PRDM16: variants seen among roughly 807,000 people sequenced by gnomAD.
PRDM16 encodes PR/SET domain 16, also known as histone-lysine N-methyltransferase PRDM16.
A neutral mutation model predicts 110.6 loss-of-function variants in PRDM16; 23 were observed. The ratio of observed to expected loss-of-function variants is 0.21; its 90% confidence interval spans 0.15 to 0.29. The LOEUF (loss-of-function observed/expected upper bound fraction) is 0.29, where lower values mean the gene tolerates loss of function less well. Among genes scored for constraint, PRDM16 ranks in the 10% least tolerant of loss-of-function variants. The pLI, the probability that PRDM16 is intolerant of heterozygous loss-of-function variation, is 1.00. For missense variants in PRDM16, 1,615 were observed against 1,794.3 expected (o/e 0.90, Z 1.81); for synonymous variants, 799 against 781.8 (o/e 1.02, Z -0.37).
chr1:3,274,346 C>A (rs1640534126), intron 3 of PRDM16, among the ~76,000 whole-genome samples: 1 of 152,120 alleles, frequency 6.6e-6, no homozygotes, highest in Non-Finnish European at 1.5e-5. Context: ...CTTAAGAAGT[C>A]ACATTTCTCT....
intron 3 of PRDM16, among the ~76,000 whole-genome samples, chr1:3,276,823 C>T (rs530929780): frequency 1.3e-4 from 19 of 151,808 alleles, no homozygotes; most frequent in South Asian, 2.1e-4. Context: ...TTGCCTGGGC[C>T]GCCTCGGCCT....
At chr1:3,284,545 G>A (rs1232823551) in intron 3 of PRDM16, among the ~76,000 whole-genome samples, 3 of 152,204 alleles carry the variant, frequency 2.0e-5, no homozygotes, top group South Asian at 2.1e-4. Flanking sequence ...TGAAGCCTTC[G>A]GGAGCCAGGA....
chr1:3,272,077 C>T (rs373989248), intron 3 of PRDM16, among the ~76,000 whole-genome samples: 7 of 152,294 alleles, frequency 4.6e-5, no homozygotes, highest in South Asian at 2.1e-4. Flanking sequence ...CAAGAACTTC[C>T]GGTGCTTGCA....
At chr1:3,204,005 G>A (rs895268894) in intron 2 of PRDM16, among the ~76,000 whole-genome samples, 1 of 152,158 alleles carries the variant, frequency 6.6e-6, no homozygotes, top group African/African-American at 2.4e-5. Flanking sequence ...CCCCCTCTGC[G>A]GACTCGAAGG....
intron 3 of PRDM16, among the ~76,000 whole-genome samples, chr1:3,336,816 G>C (rs774378209): frequency 6.6e-6 from 1 of 151,154 alleles, no homozygotes; most frequent in Non-Finnish European, 1.5e-5. Context: ...GTTGGAGTGA[G>C]TCTGTGTGTG....
At chr1:3,179,188 G>A (rs908772969) in intron 1 of PRDM16, among the ~76,000 whole-genome samples, 1 of 152,248 alleles carries the variant, frequency 6.6e-6, no homozygotes, top group Non-Finnish European at 1.5e-5. Flanking sequence ...TGATGGTTGT[G>A]GGGAATGTGT....
At chr1:3,331,013 T>G (rs1050429129) in intron 3 of PRDM16, among the ~76,000 whole-genome samples, 2 of 152,216 alleles carry the variant, frequency 1.3e-5, no homozygotes, top group African/African-American at 4.8e-5. Context: ...ATAGCAGCAA[T>G]TCCATCTGAT....
chr1:3,259,406 G>A (rs1640116029), intron 3 of PRDM16, among the ~76,000 whole-genome samples: 1 of 152,204 alleles, frequency 6.6e-6, no homozygotes, highest in South Asian at 2.1e-4. Context: ...GGTGGTAGAG[G>A]CCACCCCTTG....
intron 3 of PRDM16, among the ~76,000 whole-genome samples, chr1:3,371,283 A>ATATC (rs1642902603): frequency 7.9e-6 from 1 of 127,156 alleles, no homozygotes; most frequent in African/African-American, 3.0e-5. Context: ...CATTCATTCC[A>ATATC]CATCCATCCA....
chr1:3,342,124 G>C (rs2483285), intron 3 of PRDM16, among the ~76,000 whole-genome samples: 50,290 of 152,072 alleles, frequency 0.33, 8,611 homozygotes, highest in South Asian at 0.47. Context: ...TCTGAGAGGG[G>C]AGCCTCGTGC....
intron 1 of PRDM16, among the ~76,000 whole-genome samples, chr1:3,112,368 C>T (rs1004995150): frequency 1.3e-5 from 2 of 152,236 alleles, no homozygotes; most frequent in Non-Finnish European, 2.9e-5. Context: ...GAACCGGCCT[C>T]TCAGCCTCTC....
intron 1 of PRDM16, among the ~76,000 whole-genome samples, chr1:3,129,708 G>A (rs1394398953): frequency 6.6e-6 from 1 of 152,182 alleles, no homozygotes; most frequent in Non-Finnish European, 1.5e-5. Context: ...TCCTCCTCTA[G>A]CACTGCCCAG....
At chr1:3,089,567 T>C (rs926246) in intron 1 of PRDM16, among the ~76,000 whole-genome samples, 13,311 of 152,300 alleles carry the variant, frequency 0.087, 741 homozygotes, top group Non-Finnish European at 0.13. Context: ...CAATATTGTT[T>C]ATTTGGGCCT....
chr1:3,266,564 G>A (rs1176844406), intron 3 of PRDM16, among the ~76,000 whole-genome samples: 2 of 152,240 alleles, frequency 1.3e-5, no homozygotes, highest in Admixed American at 1.3e-4. Flanking sequence ...AGGGGCAGGA[G>A]CCACTCCCTG....
At chr1:3,263,274 C>A (rs563838850) in intron 3 of PRDM16, among the ~76,000 whole-genome samples, 1 of 152,306 alleles carries the variant, frequency 6.6e-6, no homozygotes, top group East Asian at 1.9e-4. Flanking sequence ...AGGCTCTCCC[C>A]GCCCCGCCCG....
At chr1:3,381,744 TG>T (rs369699906) in intron 3 of PRDM16, among the ~76,000 whole-genome samples, 1,671 of 152,274 alleles carry the variant, frequency 0.011, 26 homozygotes, top group African/African-American at 0.036. Context: ...ATGCCATGGC[TG>T]TGGTCACTCA....
At chr1:3,271,034 C>T (rs1462533395) in intron 3 of PRDM16, among the ~76,000 whole-genome samples, 1 of 152,162 alleles carries the variant, frequency 6.6e-6, no homozygotes, top group Non-Finnish European at 1.5e-5. Flanking sequence ...ACCTTGGTGT[C>T]TGCCACGCTC....
intron 14 of PRDM16, among the ~76,000 whole-genome samples, chr1:3,430,398 C>G (rs1638732629): frequency 6.6e-6 from 1 of 152,196 alleles, no homozygotes; most frequent in Non-Finnish European, 1.5e-5. Flanking sequence ...CCCTCACTCT[C>G]CAGATCCCAG....
intron 2 of PRDM16, among the ~76,000 whole-genome samples, chr1:3,196,012 G>A (rs546574096): frequency 2.6e-4 from 40 of 152,296 alleles, no homozygotes; most frequent in African/African-American, 9.4e-4. Context: ...AGGGGAACCC[G>A]GGGCTGAGAA....
Sources: allele counts gnomAD v4.1 joint callset (sites outside exome capture counted in the v4.1 genomes callset), GRCh38; gene constraint gnomAD v4.1.1; transcripts MANE v1.5; gene names NCBI Gene and HGNC (gene_info 2026-07-23, HGNC 2026-07-21).